GNAL: variants seen among roughly 807,000 people sequenced by gnomAD.
GNAL encodes the protein G protein subunit alpha L, also known as guanine nucleotide-binding protein G(olf) subunit alpha.
A neutral mutation model predicts 55.1 loss-of-function variants in GNAL; 18 were observed. The ratio of observed to expected loss-of-function variants is 0.33; its 90% CI spans 0.23 to 0.48. GNAL has a LOEUF of 0.48. Ranked by LOEUF, GNAL falls within the 20% of genes least tolerant of loss-of-function variation. The pLI is 0.99. For synonymous variants in GNAL, 253 were observed against 237.0 expected (o/e 1.07, Z -0.62); for missense variants, 412 against 614.1 (o/e 0.67, Z 3.48).
chr18:11,692,502 T>A (rs1288671186), intron 1 of GNAL, among the ~76,000 whole-genome samples: 1 of 152,154 alleles, frequency 6.6e-6, no homozygotes, highest in Non-Finnish European at 1.5e-5. Context: ...GATACAGAAG[T>A]GTAACTTTAG....
At chr18:11,818,360 T>C (rs1024990810) in intron 4 of GNAL, among the ~76,000 whole-genome samples, 1 of 152,130 alleles carries the variant, frequency 6.6e-6, no homozygotes, top group Non-Finnish European at 1.5e-5. Context: ...AGGGATAAAA[T>C]TGAGTAGGTG....
intron 1 of GNAL, among the ~76,000 whole-genome samples, chr18:11,695,392 T>C (rs754699494): frequency 6.6e-6 from 1 of 152,220 alleles, no homozygotes; most frequent in Non-Finnish European, 1.5e-5. Context: ...TGAGAGACCA[T>C]TGGCAGAGGC....
chr18:11,753,009 T>C (rs2032908655), intron 2 of GNAL, 84 bp downstream of exon 2: 1 of 715,332 alleles, frequency 1.4e-6, no homozygotes, highest in African/African-American at 1.8e-5. Flanking sequence ...TCTAAACAAT[T>C]TTAATTTATT....
At position 11,752,654 on chromosome 18, in the gene GNAL, C is replaced by A; in HGVS notation, c.377-199C>A. ...CAGGAGCGGCGAGCGCCAGGCTGGGCGGGCAGGGCCGGGCGAGGGTCGCGC... is the reference window on the plus strand; with the variant it reads ...CAGGAGCGGCGAGCGCCAGGCTGGGAGGGCAGGGCCGGGCGAGGGTCGCGC... On this transcript the variant is annotated intron_variant, in intron 1 of 11. Coordinates refer to ENST00000334049, the MANE Select transcript of GNAL (RefSeq NM_182978.4). The surrounding 1 kb of genome is among the most constrained non-coding windows in gnomAD (Gnocchi z 4.5). 1.5e-6 allele frequency: 2 copies of A among 1,353,462 alleles called. No individual in the cohort carries two copies. Among genetic ancestry groups the A allele is most frequent in the Admixed American group, 3.9e-5 (1 of 25,606 alleles). 83.8% of individuals were successfully genotyped at this position (1,353,462 alleles called of 1,614,324 possible). A position where few individuals can be genotyped will look rare whatever the true frequency, so the allele number is the denominator to read the frequency against.
At position 11,841,188 on chromosome 18, in the gene GNAL, A is replaced by G. The variant is rs183029582; in HGVS notation, c.722+16173A>G. Among the ~76,000 whole-genome samples, 357 of 152,140 alleles carry G rather than the reference A, an allele frequency of 2.3e-3. 2 individuals carry two copies. Among genetic ancestry groups the G allele is most frequent in the African/African-American group, 8.3e-3 (346 of 41,484 alleles). ...CGCACCCAGCCTTCATCAGCTTTCAATTCTCTTTTAACCCCTAAACTAATC... is the reference window on the plus strand; with the variant it reads ...CGCACCCAGCCTTCATCAGCTTTCAGTTCTCTTTTAACCCCTAAACTAATC... On this transcript the variant is annotated intron_variant, in intron 5 of 11. Transcript: ENST00000334049.
intron 1 of GNAL, among the ~76,000 whole-genome samples, chr18:11,740,171 T>A (rs1486148525): frequency 6.6e-6 from 1 of 152,148 alleles, no homozygotes; most frequent in Non-Finnish European, 1.5e-5. Flanking sequence ...GTTACAGTAC[T>A]TAACTGTTTT....
At chr18:11,796,471 TG>T (rs2034383135) in intron 4 of GNAL, among the ~76,000 whole-genome samples, 1 of 145,342 alleles carries the variant, frequency 6.9e-6, no homozygotes, top group Non-Finnish European at 1.5e-5. Flanking sequence ...TCCCAGCTAC[TG>T]GGGAGGCAGG....
intron 4 of GNAL, among the ~76,000 whole-genome samples, chr18:11,813,033 A>C (rs2034858890): frequency 6.6e-6 from 1 of 152,052 alleles, no homozygotes; most frequent in Admixed American, 6.5e-5. Flanking sequence ...AGGCAGGCAG[A>C]TCACGAGGTC....
intron 4 of GNAL, among the ~76,000 whole-genome samples, chr18:11,801,414 G>A (rs865987351): frequency 8.5e-5 from 13 of 152,156 alleles, no homozygotes; most frequent in South Asian, 6.2e-4. Flanking sequence ...TTAATCAGGC[G>A]TGGTGGTGCA....
At chr18:11,756,785 A>G (rs781453329) in intron 4 of GNAL, among the ~76,000 whole-genome samples, 2 of 152,148 alleles carry the variant, frequency 1.3e-5, no homozygotes, top group Non-Finnish European at 2.9e-5. Flanking sequence ...CTCCATTGGA[A>G]AATTAACTTT....
chr18:11,774,466 C>CT (rs2033722871), intron 4 of GNAL, among the ~76,000 whole-genome samples: 1 of 152,234 alleles, frequency 6.6e-6, no homozygotes, highest in Non-Finnish European at 1.5e-5. Flanking sequence ...TGGTTTTCCT[C>CT]TTTTTTGGTG....
chr18:11,739,161 T>A (rs1450159944), intron 1 of GNAL, among the ~76,000 whole-genome samples: 4 of 152,166 alleles, frequency 2.6e-5, no homozygotes. Flanking sequence ...CTGAGGCTGT[T>A]CTCATTATTC....
intron 1 of GNAL, among the ~76,000 whole-genome samples, chr18:11,729,440 G>A (rs1051428562): frequency 6.6e-6 from 1 of 152,082 alleles, no homozygotes; most frequent in African/African-American, 2.4e-5. Flanking sequence ...CTCCTAAGTA[G>A]CCAGATCCTC....
At chr18:11,733,772 G>A (rs2032396307) in intron 1 of GNAL, among the ~76,000 whole-genome samples, 1 of 151,002 alleles carries the variant, frequency 6.6e-6, no homozygotes, top group South Asian at 2.1e-4. Flanking sequence ...AGGGAGGGAC[G>A]ATTACTTACT....
At chr18:11,737,225 A>G (rs1375014907) in intron 1 of GNAL, among the ~76,000 whole-genome samples, 1 of 152,220 alleles carries the variant, frequency 6.6e-6, no homozygotes, top group East Asian at 1.9e-4. Flanking sequence ...ATTTTGTTAA[A>G]TATTCATCTG....
At chr18:11,701,301 A>G (rs547373890) in intron 1 of GNAL, among the ~76,000 whole-genome samples, 19 of 152,108 alleles carry the variant, frequency 1.2e-4, no homozygotes, top group African/African-American at 4.6e-4. Flanking sequence ...ACACAAATGC[A>G]TAATGCTGGC....
intron 1 of GNAL, among the ~76,000 whole-genome samples, chr18:11,694,309 G>A (rs1000953357): frequency 6.6e-6 from 1 of 152,132 alleles, no homozygotes; most frequent in Non-Finnish European, 1.5e-5. Context: ...GAGCACTGGG[G>A]TACATTGCTC....
Position 11,716,243 on chromosome 18 carries a change from G to A in GNAL, c.376+26304G>A, listed in dbSNP as rs777602135. ...TTCAAGAATGAAGCCGCGGACCCTCGCGGTGAGTGTTACAGTTCTTAAAGG... is the reference window on the plus strand; with the variant it reads ...TTCAAGAATGAAGCCGCGGACCCTCACGGTGAGTGTTACAGTTCTTAAAGG... On this transcript the variant is annotated intron_variant, in intron 1 of 11. Transcript: ENST00000334049. Among the ~76,000 whole-genome samples, 4 of 152,180 alleles carry A rather than the reference G, an allele frequency of 2.6e-5. No homozygotes were observed. In the South Asian group the frequency reaches 6.2e-4, roughly 24 times the overall value.
At chr18:11,707,982 T>A (rs2031752735) in intron 1 of GNAL, among the ~76,000 whole-genome samples, 1 of 152,256 alleles carries the variant, frequency 6.6e-6, no homozygotes, top group African/African-American at 2.4e-5. Context: ...CAACTTAGGC[T>A]TTGGCTTCGG....
Sources: gnomAD v4.1 joint callset for allele counts (sites outside exome capture counted in the v4.1 genomes callset) on GRCh38, gnomAD v4.1.1 for gene constraint, Gnocchi (gnomAD v3.1) non-coding constraint, MANE v1.5 for transcripts, NCBI Gene and HGNC (gene_info 2026-07-23, HGNC 2026-07-21) for gene names.